GPR137C: variants seen among roughly 807,000 people sequenced by gnomAD.
GPR137C encodes the protein integral membrane protein GPR137C.
GPR137C carries 27 observed loss-of-function variants against 43.4 expected under a neutral mutation model. The ratio of observed to expected loss-of-function variants is 0.62; its 90% CI spans 0.46 to 0.86. The LOEUF is 0.86. Among genes scored for constraint, GPR137C ranks in the 40% least tolerant of loss-of-function variants. The pLI, the probability that GPR137C is intolerant of heterozygous loss-of-function variation, is 0.00. For missense variants in GPR137C, 522 were observed against 534.6 expected (o/e 0.98, Z 0.23); for synonymous variants, 285 against 226.9 (o/e 1.26, Z -2.30).
At position 52,633,517 on chromosome 14, in the gene GPR137C, G is replaced by A; in HGVS notation, c.868-13G>A. 1 of 1,608,856 alleles carries A rather than the reference G, an allele frequency of 6.2e-7. No homozygotes were observed. The highest frequency in any genetic ancestry group is 2.2e-5 in the East Asian group (1 of 44,814). ...AACAGATGTAAAAATTCTCTGCCATGCTCTATTTACAGGCTCATGTAGAAG... is the reference window on the plus strand; with the variant it reads ...AACAGATGTAAAAATTCTCTGCCATACTCTATTTACAGGCTCATGTAGAAG... On this transcript the variant is annotated splice_polypyrimidine_tract_variant and intron_variant, in intron 4 of 6. Transcript: ENST00000321662.
chr14:52,582,569 A>G (rs2038661922), intron 1 of GPR137C, among the ~76,000 whole-genome samples: 1 of 152,200 alleles, frequency 6.6e-6, no homozygotes, highest in African/African-American at 2.4e-5. Context: ...CAAGGCGGGC[A>G]GATCACCTGA....
At position 52,632,069 on chromosome 14, in the gene GPR137C, A is replaced by C. The variant is rs568370458; in HGVS notation, c.718-91A>C. 7.3e-5 allele frequency: 57 copies of C among 781,088 alleles called. No individual in the cohort carries two copies. In the African/African-American group the frequency reaches 7.8e-4, roughly 11 times the overall value. 48.4% of individuals were successfully genotyped at this position (781,088 alleles called of 1,614,324 possible). Reference sequence around the variant, plus strand: ...GGTACTCAGTGCTTTGTAGGAGTGCATTGCAAGAGGTGACCATATTGTATG... The same window carrying C: ...GGTACTCAGTGCTTTGTAGGAGTGCCTTGCAAGAGGTGACCATATTGTATG... On this transcript the variant is annotated intron_variant, in intron 3 of 6. Transcript: ENST00000321662.
At chr14:52,556,300 T>C (rs990839883) in intron 1 of GPR137C, among the ~76,000 whole-genome samples, 3 of 152,018 alleles carry the variant, frequency 2.0e-5, no homozygotes, top group African/African-American at 7.2e-5. Flanking sequence ...GTATAAAAAG[T>C]AAAACAAACT....
chr14:52,553,792 G>A (rs1056132140), intron 1 of GPR137C, among the ~76,000 whole-genome samples: 1 of 152,182 alleles, frequency 6.6e-6, no homozygotes, highest in Non-Finnish European at 1.5e-5. Context: ...GATTACTGAG[G>A]GGTTCGGGCT....
chr14:52,559,362 C>A (rs575102054), intron 1 of GPR137C, among the ~76,000 whole-genome samples: 1 of 151,944 alleles, frequency 6.6e-6, no homozygotes, highest in Non-Finnish European at 1.5e-5. Flanking sequence ...AGCCTGGCGA[C>A]AGAGCAAGAC....
intron 3 of GPR137C, among the ~76,000 whole-genome samples, chr14:52,617,104 C>T (rs1174179065): frequency 6.6e-6 from 1 of 152,140 alleles, no homozygotes; most frequent in Non-Finnish European, 1.5e-5. Flanking sequence ...TGTGGCTCAC[C>T]TCTGTCAGCC....
intron 3 of GPR137C, chr14:52,611,494 C>T (rs2039038813): frequency 3.0e-6 from 1 of 335,510 alleles, no homozygotes; most frequent in Non-Finnish European, 4.2e-6. Flanking sequence ...TTGTCATATT[C>T]CTTGAATTTT....
chr14:52,589,326 A>G (rs2038752365), intron 1 of GPR137C, among the ~76,000 whole-genome samples: 2 of 152,188 alleles, frequency 1.3e-5, no homozygotes, highest in South Asian at 2.1e-4. Context: ...GTTGCACAAC[A>G]TTGTGAATGT....
At position 52,617,980 on chromosome 14, in the gene GPR137C, G is replaced by A. The variant is rs2039118636; in HGVS notation, c.718-14180G>A. ...AAATGTTATTTATTATGGTATTAAT[G>A]TAATTAGGGGATGGTAATCTAACTT... On this transcript the variant is annotated intron_variant, in intron 3 of 6. Coordinates refer to ENST00000321662, the MANE Select transcript of GPR137C (RefSeq NM_001099652.2). Among the ~76,000 whole-genome samples the A allele has an allele frequency of 3.9e-5, 6 of 152,286 alleles. No homozygotes were observed. In the South Asian group the frequency reaches 1.2e-3, roughly 32 times the overall value.
At chr14:52,598,873 T>G (rs555788010) in intron 2 of GPR137C, among the ~76,000 whole-genome samples, 15 of 152,368 alleles carry the variant, frequency 9.8e-5, no homozygotes, top group African/African-American at 3.4e-4. Context: ...ATTACTGTTT[T>G]TATTATTTAA....
intron 1 of GPR137C, among the ~76,000 whole-genome samples, chr14:52,555,108 G>T (rs954531465): frequency 6.6e-6 from 1 of 152,050 alleles, no homozygotes; most frequent in Admixed American, 6.6e-5. Context: ...CAGATAGTGC[G>T]TTAGTGACTT....
At chr14:52,623,303 A>G (rs1269378100) in intron 3 of GPR137C, among the ~76,000 whole-genome samples, 4 of 152,188 alleles carry the variant, frequency 2.6e-5, no homozygotes, top group Admixed American at 2.0e-4. Context: ...TGGCAATGCC[A>G]TGGTTCTTTT....
At chr14:52,585,429 C>T (rs2038701073) in intron 1 of GPR137C, among the ~76,000 whole-genome samples, 1 of 152,234 alleles carries the variant, frequency 6.6e-6, no homozygotes, top group African/African-American at 2.4e-5. Context: ...CCATCTTCTA[C>T]TTCGCCCTCT....
intron 1 of GPR137C, among the ~76,000 whole-genome samples, chr14:52,579,798 A>C (rs2038617106): frequency 6.6e-6 from 1 of 152,248 alleles, no homozygotes; most frequent in Non-Finnish European, 1.5e-5. Context: ...TGTCTACCAC[A>C]GAAGATCATT....
intron 1 of GPR137C, among the ~76,000 whole-genome samples, chr14:52,555,765 G>T (rs1009938059): frequency 6.6e-6 from 1 of 152,112 alleles, no homozygotes; most frequent in African/African-American, 2.4e-5. Flanking sequence ...AAGAGTGTGA[G>T]TTGTTTGTCT....
chr14:52,580,259 A>G (rs886833067), intron 1 of GPR137C, among the ~76,000 whole-genome samples: 1 of 152,228 alleles, frequency 6.6e-6, no homozygotes, highest in Non-Finnish European at 1.5e-5. Flanking sequence ...TATTTGAATC[A>G]TCAAAATTCA....
At chr14:52,624,344 A>G (rs536966269) in intron 3 of GPR137C, among the ~76,000 whole-genome samples, 2 of 152,288 alleles carry the variant, frequency 1.3e-5, no homozygotes, top group African/African-American at 4.8e-5. Flanking sequence ...ACAGATTTAA[A>G]TAATATATTA....
Position 52,609,573 on chromosome 14 carries a change from A to G in GPR137C, c.717+9232A>G, listed in dbSNP as rs368028813. Among the ~76,000 whole-genome samples, 93 of 152,326 alleles carry G rather than the reference A, an allele frequency of 6.1e-4. 1 individual carries two copies. Among genetic ancestry groups the G allele is most frequent in the African/African-American group, 2.2e-3 (92 of 41,578 alleles). On this transcript the variant is annotated intron_variant, in intron 3 of 6. Coordinates refer to ENST00000321662, the MANE Select transcript of GPR137C (RefSeq NM_001099652.2). ...CTTCAGAGGGCCTTCCAGGGATTCTAAACAGACTGACTTGTGTTTCCTGAG... is the reference window on the plus strand; with the variant it reads ...CTTCAGAGGGCCTTCCAGGGATTCTGAACAGACTGACTTGTGTTTCCTGAG...
At chr14:52,555,765 GTTGT>G (rs1304810645) in intron 1 of GPR137C, among the ~76,000 whole-genome samples, 5 of 152,112 alleles carry the variant, frequency 3.3e-5, no homozygotes, top group Admixed American at 6.5e-5. Flanking sequence ...AAGAGTGTGA[GTTGT>G]TTGTCTATCC....
Sources: allele counts gnomAD v4.1 joint callset (sites outside exome capture counted in the v4.1 genomes callset), GRCh38; gene constraint gnomAD v4.1.1; transcripts MANE v1.5; gene names NCBI Gene and HGNC (gene_info 2026-07-23, HGNC 2026-07-21).